The following EHD1 variants were observed in gnomAD, a reference collection of about 807,000 sequenced individuals.
EHD1 encodes the protein EH domain-containing protein 1.
In EHD1, 19 loss-of-function variants were observed where a neutral mutation model predicts 39.0. The observed-to-expected ratio is 0.49, with a 90% confidence interval of 0.34 to 0.72. The LOEUF is 0.72. Ranked by LOEUF, EHD1 falls within the 30% of genes least tolerant of loss-of-function variation. The pLI, the probability that EHD1 is intolerant of heterozygous loss-of-function variation, is 0.01. For synonymous variants in EHD1, 323 were observed against 331.2 expected (o/e 0.98, Z 0.27); for missense variants, 542 against 751.5 (o/e 0.72, Z 3.26).
chr11:64,854,302 G>A lies in EHD1; in HGVS notation c.*31C>T, dbSNP rs138745282. 2.0e-4 allele frequency: 315 copies of A among 1,570,290 alleles called. No individual in the cohort carries two copies. In the East Asian group the frequency reaches 4.6e-3, roughly 23 times the overall value. ...CCCCGTCTCTGCCTCCCGGCCGGGCGTGCAAATGGCAGGTGCGGGGCCGGG... is the reference window on the plus strand; with the variant it reads ...CCCCGTCTCTGCCTCCCGGCCGGGCATGCAAATGGCAGGTGCGGGGCCGGG... On this transcript the variant is annotated 3_prime_UTR_variant, in exon 5 of 5. Coordinates refer to ENST00000320631, the MANE Select transcript of EHD1 (RefSeq NM_006795.4).
chr11:64,866,463 A>C (rs649208), intron 2 of EHD1, among the ~76,000 whole-genome samples: 122,306 of 151,954 alleles, frequency 0.8, 50,357 homozygotes, highest in Non-Finnish European at 0.89. Flanking sequence ...TGGGAGGCTG[A>C]GGCAGGAGGA....
chr11:64,854,699 G>T lies in EHD1; in HGVS notation c.1239C>A (p.Ala413=), dbSNP rs1334876008. The T allele has an allele frequency of 1.2e-6, 2 of 1,613,356 alleles. No homozygotes were observed. Among genetic ancestry groups the T allele is most frequent in the African/African-American group, 2.7e-5 (2 of 74,910 alleles). The change falls in exon 5 of 5, where the codon GCC becomes GCA. Residue 413 remains alanine (A), a synonymous_variant. Coordinates refer to ENST00000320631, the MANE Select transcript of EHD1 (RefSeq NM_006795.4). ...LMPSQVVKGG[A]FDGTMNGPFG... ...ACGGCCCGTTCATGGTGCCGTCAAA[G>T]GCGCCGCCCTTGACCACCTGGGAAG...
intron 2 of EHD1, among the ~76,000 whole-genome samples, chr11:64,869,628 G>A (rs1943806521): frequency 6.6e-6 from 1 of 152,210 alleles, no homozygotes; most frequent in Non-Finnish European, 1.5e-5. Flanking sequence ...GACTGATGCA[G>A]CTCCCAGGGA....
upstream of EHD1, chr11:64,878,735 C>T: frequency 3.8e-6 from 5 of 1,319,338 alleles, no homozygotes; most frequent in Non-Finnish European, 4.8e-6. Flanking sequence ...CCCCTCCCAG[C>T]CCCGCCCCTC....
chr11:64,864,516 C>T (rs776629039), intron 2 of EHD1, among the ~76,000 whole-genome samples: 1 of 152,222 alleles, frequency 6.6e-6, no homozygotes, highest in Non-Finnish European at 1.5e-5. Flanking sequence ...CCGCCTCTGC[C>T]CCCGGGGGAT....
chr11:64,854,958 TCC>T, intron 4 of EHD1, 101 bp from the exon 5 acceptor site: 1 of 1,441,470 alleles, frequency 6.9e-7, no homozygotes, highest in Non-Finnish European at 9.4e-7. Context: ...AAAGTGCTGC[TCC>T]CCCACACTAG....
chr11:64,854,172 C>CCCA lies in EHD1; in HGVS notation c.*158_*160dup, dbSNP rs1178561935. On this transcript the variant is annotated 3_prime_UTR_variant, in exon 5 of 5. Transcript: ENST00000320631. The stretch of plus-strand genomic sequence containing the variant: ...TCTCACCCCTGCCTCCCCCGCCAGG[C>CCCA]CCAGGAACAGCCTTAAAAGAAAGAT... 21 of 1,267,556 alleles carry CCCA rather than the reference C, an allele frequency of 1.7e-5. No homozygotes were observed. In the African/African-American group the frequency reaches 2.9e-4, roughly 17 times the overall value. The allele number at this position is 1,267,556 out of a possible 1,614,324, so 78.5% of individuals were successfully genotyped here.
At chr11:64,874,663 T>G in intron 1 of EHD1, 145 bp from the exon 2 acceptor site, 1 of 651,416 alleles carries the variant, frequency 1.5e-6, no homozygotes, top group South Asian at 2.5e-5. Flanking sequence ...TTCTATCGTC[T>G]TAGTTTCCCG....
At chr11:64,873,505 G>A (rs1033667899) in intron 2 of EHD1, among the ~76,000 whole-genome samples, 1 of 152,118 alleles carries the variant, frequency 6.6e-6, no homozygotes, top group Non-Finnish European at 1.5e-5. Context: ...GTTGTTTCCA[G>A]CATGCCCCAG....
chr11:64,870,360 C>T (rs1280925324), intron 2 of EHD1, among the ~76,000 whole-genome samples: 3 of 152,174 alleles, frequency 2.0e-5, no homozygotes, highest in Non-Finnish European at 2.9e-5. Context: ...ATCCTAGCGC[C>T]GACACTTGCT....
chr11:64,876,988 T>C (rs568919105), intron 1 of EHD1, among the ~76,000 whole-genome samples: 29 of 152,314 alleles, frequency 1.9e-4, no homozygotes, highest in Admixed American at 6.5e-4. Context: ...CCTGCACAGC[T>C]GGATGGCGTC....
Position 64,878,539 on chromosome 11 carries a change from G to T in EHD1, c.-75C>A, listed in dbSNP as rs1405425809. On this transcript the variant is annotated 5_prime_UTR_variant, in exon 1 of 5. Transcript: ENST00000320631. ...CGGGGCGAGGGTGCGGAGCCGAGGCGGGGCCGGCCGGGGCAGGGAATCGGG... is the reference window on the plus strand; with the variant it reads ...CGGGGCGAGGGTGCGGAGCCGAGGCTGGGCCGGCCGGGGCAGGGAATCGGG... 8 of 1,480,446 alleles carry T rather than the reference G, an allele frequency of 5.4e-6. No individual in the cohort carries two copies. The South Asian group carries it at 6.6e-5, about 12-fold the overall frequency. The allele number at this position is 1,480,446 out of a possible 1,614,324, so 91.7% of individuals were successfully genotyped here.
intron 2 of EHD1, among the ~76,000 whole-genome samples, chr11:64,873,500 T>G (rs1230987212): frequency 6.6e-6 from 1 of 152,152 alleles, no homozygotes; most frequent in African/African-American, 2.4e-5. Flanking sequence ...ATCCTGTTGT[T>G]TCCAGCATGC....
intron 1 of EHD1, among the ~76,000 whole-genome samples, chr11:64,876,397 G>A (rs11231897): frequency 0.017 from 2,586 of 152,346 alleles, 82 homozygotes; most frequent in African/African-American, 0.058. Flanking sequence ...GGCCCTTTCG[G>A]CAGGGCCATC....
chr11:64,861,870 G>C (rs1244631657), intron 2 of EHD1, among the ~76,000 whole-genome samples: 1 of 152,186 alleles, frequency 6.6e-6, no homozygotes, highest in Non-Finnish European at 1.5e-5. Context: ...GGACTGGACA[G>C]ACTCCAGCTT....
In EHD1 at chr11:64,874,468, A is replaced by ATGATGC; in HGVS notation, c.449_454dup (p.Ser150_Ile151dup). The stretch of plus-strand genomic sequence containing the variant: ...TCCAGACAGGATCCCGGGGGTGTCG[A>ATGATGC]TGATGCTGATGCTGTCCAGGACGGG... On this transcript the variant is annotated inframe_insertion, in exon 2 of 5. Transcript: ENST00000320631. 6.2e-7 allele frequency: 1 copy of ATGATGC among 1,611,514 alleles called. No individual in the cohort carries two copies. Among genetic ancestry groups the ATGATGC allele is most frequent in the South Asian group, 1.1e-5 (1 of 90,320 alleles).
In EHD1 at chr11:64,854,135, A is replaced by G; in HGVS notation, c.*198T>C. 1.1e-6 allele frequency: 1 copy of G among 906,346 alleles called. No homozygotes were observed. The highest frequency in any genetic ancestry group is 1.6e-6 in the Non-Finnish European group (1 of 617,954). The allele number at this position is 906,346 out of a possible 1,614,324, so 56.1% of individuals were successfully genotyped here. ...TAAAATAGCCACAGTTCTTGTGCAC[A>G]CAATTCCATCCTCTCACCCCTGCCT... On this transcript the variant is annotated 3_prime_UTR_variant, in exon 5 of 5. Transcript: ENST00000320631.
chr11:64,860,220 G>C lies in EHD1; in HGVS notation c.619C>G (p.Leu207Val), dbSNP rs1360778451. 1.2e-6 allele frequency: 2 copies of C among 1,614,168 alleles called. No homozygotes were observed. The highest frequency in any genetic ancestry group is 1.7e-5 in the Admixed American group (1 of 60,022). Residue 207 changes from leucine (L) to valine (V), a missense_variant, in exon 3 of 5, where the codon CTG becomes GTG. Leu to Val is a conservative substitution (Grantham distance 32, BLOSUM62 1). Coordinates refer to ENST00000320631, the MANE Select transcript of EHD1 (RefSeq NM_006795.4). ...SDEFSEVIKALKNHEDKIRVV... is the reference protein window; with the variant it reads ...SDEFSEVIKAVKNHEDKIRVV... ...CGGATCTTGTCCTCATGGTTCTTCA[G>C]AGCCTTGATCACTTCCGAGAACTCA...
chr11:64,854,677 G>A lies in EHD1; in HGVS notation c.1261C>T (p.Pro421Ser). 1 of 1,613,796 alleles carries A rather than the reference G, an allele frequency of 6.2e-7. No homozygotes were observed. Among genetic ancestry groups the A allele is most frequent in the South Asian group, 1.1e-5 (1 of 91,078 alleles). The change falls in exon 5 of 5, where the codon CCG (proline) becomes TCG (serine). Residue 421 changes from proline (P) to serine (S), a missense_variant. Transcript: ENST00000320631. ...GGAFDGTMNG[P>S]FGHGYGEGAG... ...CCCTCGCCGTAGCCGTGCCCGAACG[G>A]CCCGTTCATGGTGCCGTCAAAGGCG... is the stretch of plus-strand genomic sequence containing the variant.
Sources: gnomAD v4.1 joint callset for allele counts (sites outside exome capture counted in the v4.1 genomes callset) on GRCh38, gnomAD v4.1.1 for gene constraint, MANE v1.5 for transcripts, NCBI Gene and HGNC (gene_info 2026-07-23, HGNC 2026-07-21) for gene names.